The following PTPRD variants were observed in gnomAD, a reference collection of about 807,000 sequenced individuals.
The protein encoded by PTPRD is receptor-type tyrosine-protein phosphatase delta.
In PTPRD, 34 loss-of-function variants were observed where a neutral mutation model predicts 214.5. That is an observed-to-expected ratio of 0.16 (90% CI 0.12 to 0.21). The LOEUF (loss-of-function observed/expected upper bound fraction) is 0.21. Among genes scored for constraint, PTPRD ranks in the 10% least tolerant of loss-of-function variants. The pLI, the probability that PTPRD is intolerant of heterozygous loss-of-function variation, is 1.00. For synonymous variants in PTPRD, 1,128 were observed against 845.7 expected, an observed-to-expected ratio of 1.33 and a Z score of -5.79; for missense variants, 2,545 against 2,398.7, an observed-to-expected ratio of 1.06 and a Z score of -1.27.
In PTPRD at chr9:9,725,555, C is replaced by T. The variant is rs1263949602; in HGVS notation, c.-287+8978G>A. On this transcript the variant is annotated intron_variant, in intron 7 of 45. Coordinates refer to ENST00000381196, the MANE Select transcript of PTPRD (RefSeq NM_002839.4). ...TTTATCTGAGCACTTCCTCTGTCTA[C>T]ATTCAGGGCTTGCTTAATAAGTTGG... Among the ~76,000 whole-genome samples, 2 of 152,156 alleles carry T rather than the reference C, an allele frequency of 1.3e-5. 1 individual carries two copies. Among genetic ancestry groups the T allele is most frequent in the Non-Finnish European group, 2.9e-5 (2 of 68,032 alleles).
Position 8,669,902 on chromosome 9 carries a change from C to G in PTPRD, c.65-33058G>C, listed in dbSNP as rs989851727. Among the ~76,000 whole-genome samples, 15 of 152,238 alleles carry G rather than the reference C, an allele frequency of 9.9e-5. No homozygotes were observed. In the South Asian group the frequency reaches 2.9e-3, roughly 29 times the overall value. On this transcript the variant is annotated intron_variant, in intron 12 of 45. Transcript: ENST00000381196. ...AGTGGGAAGTTAATCAAATATCAAG[C>G]AAGAACTTTGCAAGTCCCTGTGAAA...
At chr9:10,016,087 C>T (rs2096706061) in intron 4 of PTPRD, among the ~76,000 whole-genome samples, 1 of 152,120 alleles carries the variant, frequency 6.6e-6, no homozygotes, top group African/African-American at 2.4e-5. Context: ...TACTGGCTAT[C>T]AATCTCAATT....
intron 11 of PTPRD, among the ~76,000 whole-genome samples, chr9:8,866,450 A>G (rs144023994): frequency 4.6e-5 from 7 of 152,178 alleles, no homozygotes; most frequent in Admixed American, 1.3e-4. Flanking sequence ...ATTGGCCCCA[A>G]TCTATGCCCC....
At chr9:8,434,477 G>T (rs2095258635) in intron 35 of PTPRD, among the ~76,000 whole-genome samples, 1 of 152,076 alleles carries the variant, frequency 6.6e-6, no homozygotes, top group Admixed American at 6.6e-5. Context: ...AATCACCCAA[G>T]AACACATTTC....
At chr9:8,810,447 A>G (rs3802395) in intron 11 of PTPRD, among the ~76,000 whole-genome samples, 120,146 of 151,968 alleles carry the variant, frequency 0.79, 48,210 homozygotes, top group African/African-American at 0.94. Flanking sequence ...GTCTGAGTGG[A>G]TATTTTGAAG....
chr9:9,488,317 G>A (rs1471563076), intron 8 of PTPRD, among the ~76,000 whole-genome samples: 1 of 152,090 alleles, frequency 6.6e-6, no homozygotes, highest in African/African-American at 2.4e-5. Flanking sequence ...TGTATTAGTG[G>A]TCTACAATTT....
In PTPRD at chr9:9,227,971, G is replaced by C. The variant is rs147888995; in HGVS notation, c.-202-44608C>G. On this transcript the variant is annotated intron_variant, in intron 9 of 45. Transcript: ENST00000381196. ...GGTGGTAATTTGTTATTCAGTGATA[G>C]ATAGATAAGTAATGCCCTATTTTTC... Among the ~76,000 whole-genome samples, 3 of 152,204 alleles carry C rather than the reference G, an allele frequency of 2.0e-5. No individual in the cohort carries two copies. In the East Asian group the frequency reaches 5.8e-4, roughly 30 times the overall value.
chr9:9,549,644 T>C (rs1436736485), intron 8 of PTPRD, among the ~76,000 whole-genome samples: 5 of 152,114 alleles, frequency 3.3e-5, no homozygotes, highest in East Asian at 1.9e-4. Context: ...AATTGTCTCA[T>C]ACACATGCTT....
chr9:8,888,430 C>G (rs936602724), intron 11 of PTPRD, among the ~76,000 whole-genome samples: 1 of 152,144 alleles, frequency 6.6e-6, no homozygotes, highest in African/African-American at 2.4e-5. Flanking sequence ...ATATGCTTTT[C>G]AGGCATTGCC....
At chr9:8,752,928 A>G (rs1255055753) in intron 11 of PTPRD, among the ~76,000 whole-genome samples, 1 of 152,242 alleles carries the variant, frequency 6.6e-6, no homozygotes, top group African/African-American at 2.4e-5. Flanking sequence ...AAAGCTGACA[A>G]TACAAAAGTG....
chr9:9,129,967 A>T (rs144481041), intron 10 of PTPRD, among the ~76,000 whole-genome samples: 73 of 152,260 alleles, frequency 4.8e-4, no homozygotes, highest in African/African-American at 1.7e-3. Context: ...TAACAACAAT[A>T]TCTGAGGGTA....
rs544507957 is a variant in PTPRD at position 10,587,144 on chromosome 9, T to C, written c.-600+25254A>G. 1.4e-4 allele frequency among the ~76,000 whole-genome samples: 21 copies of C among 152,124 alleles called. No individual in the cohort carries two copies. The South Asian group carries it at 2.5e-3, about 18-fold the overall frequency. On this transcript the variant is annotated intron_variant, in intron 2 of 45. Transcript: ENST00000381196. ...AAGGTGTAATCATGAAAAGACCCAT[T>C]GTGACAGGTAATACACAAACAAGTC...
At chr9:8,934,508 TA>T (rs2098982463) in intron 11 of PTPRD, among the ~76,000 whole-genome samples, 1 of 56,784 alleles carries the variant, frequency 1.8e-5, no homozygotes, top group African/African-American at 7.9e-5. Context: ...TATATATAAA[TA>T]TATATATATA....
chr9:10,194,005 A>G (rs375334278), intron 3 of PTPRD, among the ~76,000 whole-genome samples: 2 of 152,192 alleles, frequency 1.3e-5, no homozygotes, highest in East Asian at 3.9e-4. Context: ...TCTCCCGTTC[A>G]CCTATTTATG....
chr9:10,507,982 CA>C (rs1310093419), intron 2 of PTPRD, among the ~76,000 whole-genome samples: 1 of 152,118 alleles, frequency 6.6e-6, no homozygotes. Flanking sequence ...TTTGGCACAG[CA>C]AAAGAAACTA....
At chr9:10,568,841 C>T (rs1266721114) in intron 2 of PTPRD, among the ~76,000 whole-genome samples, 1 of 152,094 alleles carries the variant, frequency 6.6e-6, no homozygotes, top group African/African-American at 2.4e-5. Flanking sequence ...CTAGGCAATA[C>T]CATGCAGGAC....
chr9:9,765,064 G>A (rs1436378006), intron 6 of PTPRD, among the ~76,000 whole-genome samples: 1 of 152,094 alleles, frequency 6.6e-6, no homozygotes, highest in South Asian at 2.1e-4. Flanking sequence ...TTCATTCCCT[G>A]TCTGGCAGTG....
intron 11 of PTPRD, among the ~76,000 whole-genome samples, chr9:8,787,471 T>A (rs1650952964): frequency 6.6e-6 from 1 of 152,218 alleles, no homozygotes; most frequent in African/African-American, 2.4e-5. Flanking sequence ...TTGACATGTA[T>A]AATTTGTGCC....
At chr9:10,190,532 A>G (rs2099359172) in intron 3 of PTPRD, among the ~76,000 whole-genome samples, 1 of 151,456 alleles carries the variant, frequency 6.6e-6, no homozygotes, top group Non-Finnish European at 1.5e-5. Context: ...AGCCTGGCCA[A>G]CATGGCGAAA....
Sources: gnomAD v4.1 joint callset for allele counts (sites outside exome capture counted in the v4.1 genomes callset) on GRCh38, gnomAD v4.1.1 for gene constraint, MANE v1.5 for transcripts, NCBI Gene and HGNC (gene_info 2026-07-23, HGNC 2026-07-21) for gene names.